The following UGT1A1 variants were observed in gnomAD, a reference collection of about 807,000 sequenced individuals.
The protein encoded by UGT1A1 is UDP-glucuronosyltransferase 1A1.
Under a neutral mutation model 40.6 loss-of-function variants are expected in UGT1A1, and 33 were observed. The ratio of observed to expected loss-of-function variants is 0.81; its 90% CI spans 0.62 to 1.09. The LOEUF is 1.09. Ranked by LOEUF, UGT1A1 falls within the 50% of genes least tolerant of loss-of-function variation. The pLI, the probability that UGT1A1 is intolerant of heterozygous loss-of-function variation, is 0.00. For missense variants in UGT1A1, 694 were observed against 671.2 expected (o/e 1.03, Z -0.38); for synonymous variants, 249 against 265.0 (o/e 0.94, Z 0.59).
In UGT1A1 at chr2:233,769,534, G is replaced by C. The variant is rs752305202; in HGVS notation, c.1304+1095G>C. ...CTCCCATGGTTACCTCCTTTAGAAA[G>C]AAGCAGCAGTCAGGAAGACAGATGT... is the stretch of plus-strand genomic sequence containing the variant. On this transcript the variant is annotated intron_variant, in intron 4 of 4. Transcript: ENST00000305208. The surrounding 1 kb of genome is among the most constrained non-coding windows in gnomAD (Gnocchi z 4.4). 6.2e-7 allele frequency: 1 copy of C among 1,612,926 alleles called. No individual in the cohort carries two copies. Among genetic ancestry groups the C allele is most frequent in the South Asian group, 1.1e-5 (1 of 91,080 alleles).
chr2:233,766,292 T>C (rs1426642271), intron 1 of UGT1A1, among the ~76,000 whole-genome samples: 2 of 147,940 alleles, frequency 1.4e-5, no homozygotes, highest in African/African-American at 5.0e-5. Context: ...CTCGGTGGCC[T>C]GGGCTCTCCT....
At chr2:233,772,226 G>C (rs1559419626) in intron 4 of UGT1A1, 36 bp from the exon 5 acceptor site, 2 of 1,613,458 alleles carry the variant, frequency 1.2e-6, no homozygotes, top group Non-Finnish European at 1.7e-6. Context: ...CATACCACAG[G>C]TGTTCCAGGC....
Position 233,760,313 on chromosome 2 carries a change from G to A in UGT1A1, c.26G>A (p.Arg9His), listed in dbSNP as rs761736540. 3 of 1,613,818 alleles carry A rather than the reference G, an allele frequency of 1.9e-6. No individual in the cohort carries two copies. The highest frequency in any genetic ancestry group is 2.5e-6 in the Non-Finnish European group (3 of 1,179,954). Residue 9 changes from arginine (R) to histidine (H), a missense_variant, in exon 1 of 5, where the codon CGC (arginine) becomes CAC (histidine). Transcript: ENST00000305208. MAVESQGG[R>H]PLVLGLLLCV... ...ATGGCTGTGGAGTCCCAGGGCGGAC[G>A]CCCACTTGTCCTGGGCCTGCTGCTG... is the stretch of plus-strand genomic sequence containing the variant.
rs1478087363 is a variant in UGT1A1 at position 233,769,799 on chromosome 2, G to A, written c.1304+1360G>A. 4.2e-6 allele frequency: 5 copies of A among 1,197,998 alleles called. No individual in the cohort carries two copies. Among genetic ancestry groups the A allele is most frequent in the Admixed American group, 5.9e-5 (2 of 34,170 alleles). 74.2% of individuals were successfully genotyped at this position (1,197,998 alleles called of 1,614,324 possible). A position where few individuals can be genotyped will look rare whatever the true frequency, so the allele number is the denominator to read the frequency against. ...GAGCCCAGAAGTTGGAGGCTGCTAT[G>A]AGCCGTGATCATGCCACTGCACTCC... On this transcript the variant is annotated intron_variant, in intron 4 of 4. Transcript: ENST00000305208. This position sits in a 1 kb window ranked among gnomAD's most constrained non-coding sequence, Gnocchi z 4.4.
rs35915271 is a variant in UGT1A1 at position 233,764,965 on chromosome 2, A to T, written c.865-2069A>T. On this transcript the variant is annotated intron_variant, in intron 1 of 4. Coordinates refer to ENST00000305208, the MANE Select transcript of UGT1A1 (RefSeq NM_000463.3). ...GCGGGGAGAGAGGGCTCACCTTGGG[A>T]GAAGGATGGTCAGTGTCTGGGGCTT... Among the ~76,000 whole-genome samples the T allele has an allele frequency of 1.4e-3, 217 of 150,630 alleles. 1 individual carries two copies. The highest frequency in any genetic ancestry group is 5.0e-3 in the African/African-American group (206 of 40,976).
intron 1 of UGT1A1, among the ~76,000 whole-genome samples, chr2:233,765,265 C>G (rs1223500650): frequency 6.6e-6 from 1 of 152,098 alleles, no homozygotes; most frequent in Non-Finnish European, 1.5e-5. Context: ...GGTATATACC[C>G]AAAGAAATAT....
intron 4 of UGT1A1, chr2:233,771,362 C>T (rs1186329971): frequency 6.6e-6 from 1 of 152,076 alleles, no homozygotes; most frequent in African/African-American, 2.4e-5. Context: ...GTTGAAGCAC[C>T]TAACCCGTTT....
rs145239529 is a variant in UGT1A1, at chr2:233,769,464, CGT to C, written c.1304+1039_1304+1040del. ...GGGTGCACACGTGTGCATTCATATGCGTGTGTGTGTGTGTGCGTGTGTTTATG... is the reference window on the plus strand; with the variant it reads ...GGGTGCACACGTGTGCATTCATATGCGTGTGTGTGTGTGCGTGTGTTTATG... On this transcript the variant is annotated intron_variant, in intron 4 of 4. Transcript: ENST00000305208. The surrounding 1 kb of genome is among the most constrained non-coding windows in gnomAD (Gnocchi z 4.4). 2,957 of 1,414,482 alleles carry C rather than the reference CGT, an allele frequency of 2.1e-3. No individual in the cohort carries two copies. Among genetic ancestry groups the C allele is most frequent in the Admixed American group, 4.4e-3 (235 of 53,304 alleles). The allele number at this position is 1,414,482 out of a possible 1,614,324, so 87.6% of individuals were successfully genotyped here. A position where few individuals can be genotyped will look rare whatever the true frequency, so the allele number is the denominator to read the frequency against.
chr2:233,766,617 A>C lies in UGT1A1; in HGVS notation c.865-417A>C, dbSNP rs34737611. Reference sequence around the variant, plus strand: ...CCAGGGACCACACCCTCTTCTACCCAGCACTTCCCTTCCCTACTTCCATAT... The same window carrying C: ...CCAGGGACCACACCCTCTTCTACCCCGCACTTCCCTTCCCTACTTCCATAT... On this transcript the variant is annotated intron_variant, in intron 1 of 4. Transcript: ENST00000305208. Among the ~76,000 whole-genome samples, 23 of 152,284 alleles carry C rather than the reference A, an allele frequency of 1.5e-4. No individual in the cohort carries two copies. In the East Asian group the frequency reaches 4.3e-3, roughly 28 times the overall value.
At position 233,761,033 on chromosome 2, in the gene UGT1A1, G is replaced by T. The variant is rs774774935; in HGVS notation, c.746G>T (p.Ser249Ile). ...GAGGTGACTGTCCAGGACCTATTGA[G>T]CTCTGCATCTGTCTGGCTGTTTAGA... The part of the protein sequence containing the change: ...QREVTVQDLL[S>I]SASVWLFRSD... Residue 249 changes from serine (S) to isoleucine (I), a missense_variant, in exon 1 of 5, where the codon AGC (serine) becomes ATC (isoleucine). Coordinates refer to ENST00000305208, the MANE Select transcript of UGT1A1 (RefSeq NM_000463.3). 1 of 1,614,186 alleles carries T rather than the reference G, an allele frequency of 6.2e-7. No homozygotes were observed. Among genetic ancestry groups the T allele is most frequent in the South Asian group, 1.1e-5 (1 of 91,082 alleles).
At position 233,760,364 on chromosome 2, in the gene UGT1A1, A is replaced by G. The variant is rs1697418455; in HGVS notation, c.77A>G (p.His26Arg). 3 of 1,614,036 alleles carry G rather than the reference A, an allele frequency of 1.9e-6. No individual in the cohort carries two copies. The highest frequency in any genetic ancestry group is 2.5e-6 in the Non-Finnish European group (3 of 1,179,996). The change falls in exon 1 of 5, where the codon CAT becomes CGT. Residue 26 changes from histidine to arginine, a missense_variant. Coordinates refer to ENST00000305208, the MANE Select transcript of UGT1A1 (RefSeq NM_000463.3). ...TGTGTGCTGGGCCCAGTGGTGTCCC[A>G]TGCTGGGAAGATACTGTTGATCCCA... ...LLCVLGPVVS[H>R]AGKILLIPVD... is the part of the protein sequence containing the mutation.
rs114000345 is a variant in UGT1A1 at position 233,767,118 on chromosome 2, A to G, written c.949A>G (p.Lys317Glu). 1.2e-6 allele frequency: 2 copies of G among 1,614,162 alleles called. No homozygotes were observed. The highest frequency in any genetic ancestry group is 2.2e-5 in the East Asian group (1 of 44,866). The change falls in exon 2 of 5, where the codon AAG becomes GAG. Residue 317 changes from lysine (K) to glutamate (E), a missense_variant. Transcript: ENST00000305208. ...ATCAATGGTCTCAGAAATTCCAGAG[A>G]AGAAAGCTATGGCAATTGCTGATGC... is the stretch of plus-strand genomic sequence containing the variant. ...LGSMVSEIPE[K>E]KAMAIADALG...
intron 4 of UGT1A1, 146 bp downstream of exon 4, chr2:233,768,585 T>C (rs35500060): frequency 1.2e-4 from 36 of 308,386 alleles, no homozygotes; most frequent in Middle Eastern, 1.5e-3. Context: ...ATTTCTTCTT[T>C]TTTTTTTTTT....
rs1342292441 is a variant in UGT1A1, at chr2:233,772,794, G to A, written c.*235G>A. 35 of 1,212,802 alleles carry A rather than the reference G, an allele frequency of 2.9e-5. No individual in the cohort carries two copies. Among genetic ancestry groups the A allele is most frequent in the African/African-American group, 6.1e-5 (4 of 65,186 alleles). The allele number at this position is 1,212,802 out of a possible 1,614,324, so 75.1% of individuals were successfully genotyped here. On this transcript the variant is annotated 3_prime_UTR_variant, in exon 5 of 5. Transcript: ENST00000305208. ...CTGGTGTCTTTGATCAGGATGACAT[G>A]TGCCATTTTTCAGAGGACGTGCAGA...
intron 1 of UGT1A1, among the ~76,000 whole-genome samples, chr2:233,761,486 A>C (rs1697783062): frequency 6.6e-6 from 1 of 152,228 alleles, no homozygotes; most frequent in South Asian, 2.1e-4. Flanking sequence ...TGAAGCCTGC[A>C]CCTTGCCCTG....
chr2:233,766,494 G>T (rs1250106940), intron 1 of UGT1A1, among the ~76,000 whole-genome samples: 2 of 152,182 alleles, frequency 1.3e-5, no homozygotes, highest in Non-Finnish European at 2.9e-5. Flanking sequence ...GGCGTGGCAG[G>T]CCAGGGTGGT....
chr2:233,770,293 A>G (rs1284543381), intron 4 of UGT1A1: 4 of 152,108 alleles, frequency 2.6e-5, no homozygotes, highest in African/African-American at 9.7e-5. Flanking sequence ...GAAGTGGAAA[A>G]TTTTCAAACA....
In UGT1A1 at chr2:233,772,793, T is replaced by C. The variant is rs532329443; in HGVS notation, c.*234T>C. 4.9e-6 allele frequency: 6 copies of C among 1,212,356 alleles called. No individual in the cohort carries two copies. The African/African-American group carries it at 9.2e-5, about 19-fold the overall frequency. 75.1% of individuals were successfully genotyped at this position (1,212,356 alleles called of 1,614,324 possible). ...TCTGGTGTCTTTGATCAGGATGACA[T>C]GTGCCATTTTTCAGAGGACGTGCAG... On this transcript the variant is annotated 3_prime_UTR_variant, in exon 5 of 5. Transcript: ENST00000305208.
At chr2:233,766,898 A>T in intron 1 of UGT1A1, 136 bp from the exon 2 acceptor site, 1 of 1,483,786 alleles carries the variant, frequency 6.7e-7, no homozygotes, top group Non-Finnish European at 8.9e-7. Flanking sequence ...ACATATTAAT[A>T]ATTTTTTACT....
Sources: gnomAD v4.1 joint callset for allele counts (sites outside exome capture counted in the v4.1 genomes callset) on GRCh38, gnomAD v4.1.1 for gene constraint, Gnocchi (gnomAD v3.1) non-coding constraint, MANE v1.5 for transcripts, NCBI Gene and HGNC (gene_info 2026-07-23, HGNC 2026-07-21) for gene names.